Variants in KATNAL2 observed in about 807,000 individuals in gnomAD.
KATNAL2 encodes katanin p60 ATPase-containing subunit A-like 2.
Under a neutral mutation model 76.3 loss-of-function variants are expected in KATNAL2, and 52 were observed. The observed-to-expected ratio is 0.68, with a 90% CI of 0.55 to 0.86. The LOEUF is 0.86. KATNAL2 is among the 40% of genes least tolerant of loss of function. The pLI, the probability that KATNAL2 is intolerant of heterozygous loss-of-function variation, is 0.00. For missense variants in KATNAL2, 660 were observed against 668.9 expected (o/e 0.99, Z 0.15); for synonymous variants, 243 against 244.2 (o/e 1.00, Z 0.05).
At position 47,034,840 on chromosome 18, in the gene KATNAL2, G is replaced by T. The variant is rs775888689; in HGVS notation, c.52-11617G>T. The T allele has an allele frequency of 5.7e-5, 92 of 1,612,046 alleles. 1 individual carries two copies. Among genetic ancestry groups the T allele is most frequent in the Admixed American group, 1.3e-4 (8 of 60,006 alleles). On this transcript the variant is annotated intron_variant, in intron 3 of 17. Coordinates refer to ENST00000683218, the MANE Select transcript of KATNAL2 (RefSeq NM_001387690.1). The stretch of plus-strand genomic sequence containing the variant: ...CTCGCGACTGTGAGACCTCGGGTGA[G>T]GTCTCTGTTGCCCCGGAGGTGTTCT...
intron 13 of KATNAL2, among the ~76,000 whole-genome samples, chr18:47,071,953 CTTTTTT>C (rs574265545): frequency 9.5e-3 from 414 of 43,722 alleles, no homozygotes; most frequent in Non-Finnish European, 0.012. Context: ...CCAATTTCTT[CTTTTTT>C]TTTTTTTTTT....
chr18:46,943,469 C>T (rs909723045), intron 1 of KATNAL2, among the ~76,000 whole-genome samples: 14 of 152,146 alleles, frequency 9.2e-5, no homozygotes, highest in African/African-American at 2.7e-4. Flanking sequence ...ACCAAGATGG[C>T]GATGAGAGTG....
rs145817907 is a variant in KATNAL2 at position 47,069,270 on chromosome 18, G to A, written c.876G>A (p.Leu292=). Reference sequence around the variant, plus strand: ...TTTCTCCCTGGAAAGGACTACTGCTGTACGGCCCTCCAGGTAAACACAGCT... The same window carrying A: ...TTTCTCCCTGGAAAGGACTACTGCTATACGGCCCTCCAGGTAAACACAGCT... ...GILSPWKGLL[L]YGPPGTGKTL... The change falls in exon 12 of 18, where the codon CTG becomes CTA. Residue 292 remains leucine, a synonymous_variant. Coordinates refer to ENST00000683218, the MANE Select transcript of KATNAL2 (RefSeq NM_001387690.1). 8 of 1,610,374 alleles carry A rather than the reference G, an allele frequency of 5.0e-6. No individual in the cohort carries two copies. The African/African-American group carries it at 9.4e-5, about 19-fold the overall frequency.
At chr18:46,956,691 T>G (rs181991693) in intron 3 of KATNAL2, among the ~76,000 whole-genome samples, 1 of 152,310 alleles carries the variant, frequency 6.6e-6, no homozygotes, top group Admixed American at 6.5e-5. Context: ...TTGATCTTGC[T>G]TTTGCAGAGC....
chr18:47,055,671 G>A (rs1177459809), intron 6 of KATNAL2, among the ~76,000 whole-genome samples: 1 of 152,246 alleles, frequency 6.6e-6, no homozygotes, highest in Non-Finnish European at 1.5e-5. Flanking sequence ...CAGACTCTGG[G>A]TAATAAATGA....
At chr18:46,957,359 A>G (rs1599461769) in intron 3 of KATNAL2, among the ~76,000 whole-genome samples, 2 of 138,090 alleles carry the variant, frequency 1.4e-5, no homozygotes, top group East Asian at 4.3e-4. Flanking sequence ...GGTTCACGCC[A>G]TTCTCTTGCC....
intron 13 of KATNAL2, among the ~76,000 whole-genome samples, chr18:47,072,827 G>A (rs560642617): frequency 6.6e-6 from 1 of 152,162 alleles, no homozygotes; most frequent in East Asian, 1.9e-4. Flanking sequence ...ATATAACTTG[G>A]ATATTGTTCC....
intron 1 of KATNAL2, among the ~76,000 whole-genome samples, chr18:46,933,232 G>C (rs1049861308): frequency 5.9e-5 from 9 of 151,966 alleles, no homozygotes; most frequent in African/African-American, 2.2e-4. Flanking sequence ...CTAATATAAG[G>C]AATTATCTGG....
intron 15 of KATNAL2, 101 bp from the exon 16 acceptor site, chr18:47,099,142 C>G: frequency 8.5e-7 from 1 of 1,173,896 alleles, no homozygotes; most frequent in East Asian, 2.4e-5. Flanking sequence ...AGTTAAAATG[C>G]AGAATTGCTT....
At chr18:46,943,274 A>T (rs1296419570) in intron 1 of KATNAL2, among the ~76,000 whole-genome samples, 1 of 152,108 alleles carries the variant, frequency 6.6e-6, no homozygotes, top group African/African-American at 2.4e-5. Flanking sequence ...CAGGCATTTG[A>T]ACTACAGCAA....
chr18:46,945,428 G>A (rs559453525), intron 1 of KATNAL2, among the ~76,000 whole-genome samples: 1 of 152,212 alleles, frequency 6.6e-6, no homozygotes, highest in Non-Finnish European at 1.5e-5. Flanking sequence ...TGCAGCAGGG[G>A]TGAGAGTGGT....
At chr18:47,050,512 G>A (rs1452189547) in intron 4 of KATNAL2, among the ~76,000 whole-genome samples, 1 of 152,202 alleles carries the variant, frequency 6.6e-6, no homozygotes, top group Non-Finnish European at 1.5e-5. Context: ...ATAAAAGTCA[G>A]ATGTAGTTGT....
rs376519080 is a variant in KATNAL2 at position 47,033,382 on chromosome 18, G to C, written c.52-13075G>C. ...GCCGTTGGGGTTGTTTCCACGTGCA[G>C]ATCGGATATTCGTTGTCATTACTCT... On this transcript the variant is annotated intron_variant, in intron 3 of 17. Coordinates refer to ENST00000683218, the MANE Select transcript of KATNAL2 (RefSeq NM_001387690.1). 4.3e-6 allele frequency: 7 copies of C among 1,614,088 alleles called. No individual in the cohort carries two copies. The African/African-American group carries it at 9.3e-5, about 22-fold the overall frequency.
chr18:46,939,119 A>G (rs1161700343), intron 1 of KATNAL2, among the ~76,000 whole-genome samples: 1 of 152,152 alleles, frequency 6.6e-6, no homozygotes, highest in African/African-American at 2.4e-5. Flanking sequence ...AGGCGGGCAG[A>G]TCACAAGGTC....
chr18:47,031,595 C>A (rs1394459287), intron 3 of KATNAL2, among the ~76,000 whole-genome samples: 1 of 152,162 alleles, frequency 6.6e-6, no homozygotes, highest in African/African-American at 2.4e-5. Flanking sequence ...CTTCCAGCTA[C>A]TTCTCCAGGA....
chr18:47,066,076 A>T (rs2061783894), intron 10 of KATNAL2, among the ~76,000 whole-genome samples: 1 of 151,814 alleles, frequency 6.6e-6, no homozygotes, highest in Non-Finnish European at 1.5e-5. Flanking sequence ...CAGGAGTAGC[A>T]CAAACATCTC....
At chr18:46,956,912 A>T (rs183013899) in intron 3 of KATNAL2, among the ~76,000 whole-genome samples, 1 of 151,800 alleles carries the variant, frequency 6.6e-6, no homozygotes, top group African/African-American at 2.4e-5. Context: ...GCGTGGTGGC[A>T]TGCACCTGTA....
At chr18:47,073,354 T>C (rs1386043992) in intron 13 of KATNAL2, among the ~76,000 whole-genome samples, 1 of 152,244 alleles carries the variant, frequency 6.6e-6, no homozygotes. Flanking sequence ...CATTTTTATT[T>C]TGGATATTTT....
chr18:46,939,732 A>G (rs966880852), intron 1 of KATNAL2, among the ~76,000 whole-genome samples: 1 of 152,200 alleles, frequency 6.6e-6, no homozygotes, highest in Admixed American at 6.5e-5. Flanking sequence ...TGTAGGCTAA[A>G]GAAGTTTGAA....
Sources: allele counts gnomAD v4.1 joint callset (sites outside exome capture counted in the v4.1 genomes callset), GRCh38; gene constraint gnomAD v4.1.1; transcripts MANE v1.5; gene names NCBI Gene and HGNC (gene_info 2026-07-23, HGNC 2026-07-21).